Variants in LHFPL2 observed in about 807,000 individuals in gnomAD.
LHFPL2 encodes LHFPL tetraspan subfamily member 2 protein.
In LHFPL2, 7 loss-of-function variants were observed where a neutral mutation model predicts 17.5. That is an observed-to-expected ratio of 0.40 (90% CI 0.23 to 0.75). LHFPL2 has a LOEUF of 0.75. Among genes scored for constraint, LHFPL2 ranks in the 30% least tolerant of loss-of-function variants. LHFPL2 has a pLI of 0.37. For missense variants in LHFPL2, 241 were observed against 294.8 expected, an observed-to-expected ratio of 0.82 and a Z score of 1.34; for synonymous variants, 134 against 116.2, an observed-to-expected ratio of 1.15 and a Z score of -0.99.
chr5:78,506,672 A>C (rs1389058436), intron 4 of LHFPL2, among the ~76,000 whole-genome samples: 3 of 152,174 alleles, frequency 2.0e-5, no homozygotes, highest in African/African-American at 7.2e-5. Flanking sequence ...ATAGGGGAGA[A>C]AGTGCCCACT....
intron 2 of LHFPL2, among the ~76,000 whole-genome samples, chr5:78,627,827 T>C (rs1414547961): frequency 6.6e-6 from 1 of 152,166 alleles, no homozygotes; most frequent in Non-Finnish European, 1.5e-5. Context: ...CTCAAAGGAA[T>C]TTGTCCGATG....
At chr5:78,601,013 C>A (rs905293399) in intron 2 of LHFPL2, among the ~76,000 whole-genome samples, 5 of 152,198 alleles carry the variant, frequency 3.3e-5, no homozygotes, top group African/African-American at 4.8e-5. Flanking sequence ...ATCTGCCCAA[C>A]ACTTGACCAG....
intron 3 of LHFPL2, among the ~76,000 whole-genome samples, chr5:78,555,359 T>C (rs1756544170): frequency 1.3e-5 from 2 of 152,248 alleles, no homozygotes; most frequent in Non-Finnish European, 2.9e-5. Flanking sequence ...CTCTGCAAAA[T>C]ATCAACTTTC....
chr5:78,566,834 T>C (rs1163935576), intron 2 of LHFPL2, among the ~76,000 whole-genome samples: 3 of 152,240 alleles, frequency 2.0e-5, no homozygotes, highest in Admixed American at 2.0e-4. Flanking sequence ...ACAATTTTAT[T>C]TTACCCTTTA....
chr5:78,511,117 A>C (rs1345721519), intron 3 of LHFPL2, among the ~76,000 whole-genome samples: 10 of 148,938 alleles, frequency 6.7e-5, no homozygotes, highest in African/African-American at 2.2e-4. Context: ...AAAAAAAAAA[A>C]CCTTAAGAGT....
intron 4 of LHFPL2, among the ~76,000 whole-genome samples, chr5:78,489,711 A>G (rs1370258138): frequency 2.0e-5 from 3 of 152,204 alleles, no homozygotes; most frequent in Non-Finnish European, 4.4e-5. Context: ...TGGTGCACTG[A>G]GCATTTCTCT....
At chr5:78,528,613 G>C (rs1339699871) in intron 3 of LHFPL2, among the ~76,000 whole-genome samples, 1 of 152,230 alleles carries the variant, frequency 6.6e-6, no homozygotes, top group Admixed American at 6.5e-5. Context: ...ACTGGTTATA[G>C]AATGTGTTTC....
At chr5:78,605,827 C>G (rs141154950) in intron 2 of LHFPL2, among the ~76,000 whole-genome samples, 113 of 152,288 alleles carry the variant, frequency 7.4e-4, no homozygotes, top group Middle Eastern at 3.4e-3. Context: ...ATAGTACTGT[C>G]AGCAGACAAT....
Position 78,489,110 on chromosome 5 carries a change from C to G in LHFPL2, c.474G>C (p.Trp158Cys). 6.2e-7 allele frequency: 1 copy of G among 1,614,126 alleles called. No homozygotes were observed. The highest frequency in any genetic ancestry group is 1.1e-5 in the South Asian group (1 of 91,082). ...ILGLILYPAGWGCQKAIDYCG... is the reference protein window; with the variant it reads ...ILGLILYPAGCGCQKAIDYCG... The stretch of plus-strand genomic sequence containing the variant: ...AGTAGTCTATGGCCTTCTGGCAACC[C>G]CAGCCAGCAGGGTAGAGTATCAAAC... Residue 158 changes from tryptophan (W) to cysteine (C), a missense_variant, in exon 5 of 5, where the codon TGG (tryptophan) becomes TGC (cysteine). Coordinates refer to ENST00000380345, the MANE Select transcript of LHFPL2 (RefSeq NM_005779.3).
intron 3 of LHFPL2, among the ~76,000 whole-genome samples, chr5:78,555,744 A>G (rs1239965984): frequency 6.6e-6 from 1 of 152,234 alleles, no homozygotes; most frequent in Non-Finnish European, 1.5e-5. Context: ...TGCAAGTAGC[A>G]GCTGAAGCCA....
chr5:78,645,980 G>A (rs1580890437), intron 1 of LHFPL2, among the ~76,000 whole-genome samples: 1 of 152,156 alleles, frequency 6.6e-6, no homozygotes, highest in Non-Finnish European at 1.5e-5. Flanking sequence ...GTAAAATGTT[G>A]CTTTTAAGAG....
intron 4 of LHFPL2, among the ~76,000 whole-genome samples, chr5:78,499,723 C>T (rs915496329): frequency 3.3e-5 from 5 of 152,178 alleles, no homozygotes; most frequent in African/African-American, 1.2e-4. Flanking sequence ...TGGAAGACTG[C>T]ACCAAAATAA....
intron 2 of LHFPL2, among the ~76,000 whole-genome samples, chr5:78,631,606 C>T (rs1580875444): frequency 2.0e-5 from 3 of 152,256 alleles, no homozygotes; most frequent in Admixed American, 2.0e-4. Flanking sequence ...AAAGGTTACA[C>T]TCTGAAAAGC....
intron 3 of LHFPL2, among the ~76,000 whole-genome samples, chr5:78,542,579 C>T (rs1561330867): frequency 6.6e-6 from 1 of 152,292 alleles, no homozygotes; most frequent in Non-Finnish European, 1.5e-5. Flanking sequence ...GCTCATGCCA[C>T]CTCTTCCACC....
chr5:78,571,774 C>T (rs1757005734), intron 2 of LHFPL2, among the ~76,000 whole-genome samples: 1 of 152,196 alleles, frequency 6.6e-6, no homozygotes, highest in South Asian at 2.1e-4. Flanking sequence ...CTCACCACTG[C>T]CTGGAGCCCA....
intron 1 of LHFPL2, among the ~76,000 whole-genome samples, chr5:78,642,725 T>C (rs2112529979): frequency 6.6e-6 from 1 of 152,304 alleles, no homozygotes; most frequent in East Asian, 1.9e-4. Context: ...ACATCTCTTC[T>C]TGGAGGGCTT....
chr5:78,538,391 G>T (rs1756011656), intron 3 of LHFPL2, among the ~76,000 whole-genome samples: 1 of 152,072 alleles, frequency 6.6e-6, no homozygotes, highest in Admixed American at 6.5e-5. Context: ...ATGTAAAATT[G>T]CCAGGTTCTT....
At chr5:78,623,187 T>C (rs893031210) in intron 2 of LHFPL2, among the ~76,000 whole-genome samples, 1 of 152,220 alleles carries the variant, frequency 6.6e-6, no homozygotes, top group African/African-American at 2.4e-5. Flanking sequence ...CAGGGAGTCA[T>C]TAACAAATGC....
chr5:78,591,568 C>T (rs1743627543), intron 2 of LHFPL2, among the ~76,000 whole-genome samples: 1 of 152,164 alleles, frequency 6.6e-6, no homozygotes, highest in African/African-American at 2.4e-5. Context: ...AAATTCAAAG[C>T]AAATCCCGAG....
Sources: allele counts gnomAD v4.1 joint callset (sites outside exome capture counted in the v4.1 genomes callset), GRCh38; gene constraint gnomAD v4.1.1; transcripts MANE v1.5; gene names NCBI Gene and HGNC (gene_info 2026-07-23, HGNC 2026-07-21).